Variants in CADM2 observed in about 807,000 individuals in gnomAD.
CADM2 encodes immunoglobulin superfamily member 4D.
Under a neutral mutation model 49.8 loss-of-function variants are expected in CADM2, and 12 were observed. The observed-to-expected ratio is 0.24, with a 90% CI of 0.15 to 0.39. The LOEUF (loss-of-function observed/expected upper bound fraction) is 0.39. CADM2 is among the 10% of genes least tolerant of loss of function. CADM2 has a pLI of 1.00. For missense variants in CADM2, 378 were observed against 492.3 expected, an observed-to-expected ratio of 0.77 and a Z score of 2.20; for synonymous variants, 214 against 175.4, an observed-to-expected ratio of 1.22 and a Z score of -1.74.
chr3:85,541,894 A>C (rs1327506245), intron 1 of CADM2, among the ~76,000 whole-genome samples: 1 of 150,868 alleles, frequency 6.6e-6, no homozygotes, highest in Admixed American at 6.6e-5. Flanking sequence ...GCAGAAAAGC[A>C]TAAGAACGAC....
intron 3 of CADM2, among the ~76,000 whole-genome samples, chr3:85,855,585 CATAT>C (rs10537641): frequency 2.5e-5 from 3 of 120,176 alleles, no homozygotes; most frequent in African/African-American, 5.6e-5. Flanking sequence ...ATATAAAAAA[CATAT>C]ATATATATAA....
intron 1 of CADM2, among the ~76,000 whole-genome samples, chr3:85,380,973 C>T (rs1576452349): frequency 6.6e-6 from 1 of 151,916 alleles, no homozygotes; most frequent in Admixed American, 6.6e-5. Context: ...AGAATATGAG[C>T]TTCCAACTAC....
intron 1 of CADM2, among the ~76,000 whole-genome samples, chr3:85,031,830 T>C (rs2326125): frequency 0.11 from 17,055 of 152,184 alleles, 1,671 homozygotes; most frequent in African/African-American, 0.26. Context: ...CAGATGTTTC[T>C]TTTCTAATAT....
intron 1 of CADM2, among the ~76,000 whole-genome samples, chr3:85,262,025 A>T (rs1452249216): frequency 1.3e-5 from 2 of 152,054 alleles, no homozygotes; most frequent in Non-Finnish European, 2.9e-5. Context: ...AATTTCATTT[A>T]TTTCACCTTT....
At chr3:85,945,453 A>C (rs1325280351) in intron 7 of CADM2, among the ~76,000 whole-genome samples, 20 of 152,094 alleles carry the variant, frequency 1.3e-4, no homozygotes, top group Non-Finnish European at 5.9e-5. Context: ...CCTGATACCA[A>C]AGCCGGGCAG....
At chr3:85,000,161 T>C (rs2033391233) in intron 1 of CADM2, among the ~76,000 whole-genome samples, 1 of 150,716 alleles carries the variant, frequency 6.6e-6, no homozygotes, top group Non-Finnish European at 1.5e-5. Flanking sequence ...TGCCCCAGGG[T>C]ATAGTGTAGT....
At chr3:85,874,003 T>C (rs892644584) in intron 3 of CADM2, among the ~76,000 whole-genome samples, 2 of 152,024 alleles carry the variant, frequency 1.3e-5, no homozygotes, top group African/African-American at 4.8e-5. Context: ...ACTCATTTCA[T>C]AGAAAATTAT....
At chr3:85,998,719 G>A (rs6549065) in intron 8 of CADM2, among the ~76,000 whole-genome samples, 93,284 of 151,092 alleles carry the variant, frequency 0.62, 29,137 homozygotes, top group African/African-American at 0.71. Context: ...TTTGAAGATT[G>A]CTGTGATATA....
intron 2 of CADM2, among the ~76,000 whole-genome samples, chr3:85,777,898 A>G (rs1219023850): frequency 6.6e-6 from 1 of 152,190 alleles, no homozygotes; most frequent in Non-Finnish European, 1.5e-5. Flanking sequence ...AAAGTGGATG[A>G]ACTCACAGAT....
rs912344310 is a variant in CADM2, at chr3:85,250,671, A to G, written c.61+291003A>G. On this transcript the variant is annotated intron_variant, in intron 1 of 9. Transcript: ENST00000383699. Reference sequence around the variant, plus strand: ...CTAGTTACATATCTTTGGTATCTAAATGGTAAGTTAAATACAAATGATAAA... The same window carrying G: ...CTAGTTACATATCTTTGGTATCTAAGTGGTAAGTTAAATACAAATGATAAA... Among the ~76,000 whole-genome samples, 18 of 151,844 alleles carry G rather than the reference A, an allele frequency of 1.2e-4. No homozygotes were observed. In the Middle Eastern group the frequency reaches 0.01, roughly 87 times the overall value.
intron 1 of CADM2, among the ~76,000 whole-genome samples, chr3:84,963,350 C>A (rs1041432034): frequency 1.3e-5 from 2 of 152,072 alleles, no homozygotes; most frequent in African/African-American, 4.8e-5. Context: ...CCTTTCCATG[C>A]CTGAGGGGGC....
chr3:85,347,628 T>TATATATATACATATATAA (rs1397084455), intron 1 of CADM2, among the ~76,000 whole-genome samples: 10 of 142,364 alleles, frequency 7.0e-5, no homozygotes, highest in South Asian at 2.2e-4. Context: ...TACATATATA[T>TATATATATACATATATAA]AAATATATAT....
At chr3:85,476,713 C>T (rs970138612) in intron 1 of CADM2, among the ~76,000 whole-genome samples, 2 of 151,786 alleles carry the variant, frequency 1.3e-5, no homozygotes, top group South Asian at 2.1e-4. Flanking sequence ...TTATTTTTAA[C>T]GCATGGCTTG....
At chr3:85,155,419 G>A (rs911511924) in intron 1 of CADM2, among the ~76,000 whole-genome samples, 38 of 152,074 alleles carry the variant, frequency 2.5e-4, no homozygotes, top group Non-Finnish European at 4.6e-4. Context: ...ACCCAATACA[G>A]GAGCACCCAG....
chr3:85,574,135 C>T (rs1033085832), intron 1 of CADM2, among the ~76,000 whole-genome samples: 3 of 152,176 alleles, frequency 2.0e-5, no homozygotes, highest in African/African-American at 4.8e-5. Flanking sequence ...TAAGCAAACA[C>T]CATATTTCTA....
chr3:85,529,759 T>C (rs958695616), intron 1 of CADM2, among the ~76,000 whole-genome samples: 8 of 152,204 alleles, frequency 5.3e-5, no homozygotes. Context: ...TCCGGGCCTC[T>C]GGGTGCAGTT....
chr3:85,753,037 A>T (rs2068937642), intron 2 of CADM2, among the ~76,000 whole-genome samples: 1 of 152,128 alleles, frequency 6.6e-6, no homozygotes, highest in South Asian at 2.1e-4. Flanking sequence ...ATGCAGCTGC[A>T]AAGGTAGGCA....
chr3:85,365,182 G>GT (rs757075256), intron 1 of CADM2, among the ~76,000 whole-genome samples: 21,312 of 99,998 alleles, frequency 0.21, 2,307 homozygotes, highest in South Asian at 0.31. Context: ...AATTGGGAGG[G>GT]TTTTTTTTTT....
At chr3:85,896,173 C>G (rs1715190336) in intron 5 of CADM2, among the ~76,000 whole-genome samples, 1 of 152,078 alleles carries the variant, frequency 6.6e-6, no homozygotes, top group Non-Finnish European at 1.5e-5. Flanking sequence ...TTAGTCTTAG[C>G]TGCTTGGGAG....
Sources: gnomAD v4.1 joint callset for allele counts (sites outside exome capture counted in the v4.1 genomes callset) on GRCh38, gnomAD v4.1.1 for gene constraint, MANE v1.5 for transcripts, NCBI Gene and HGNC (gene_info 2026-07-23, HGNC 2026-07-21) for gene names.